The following DAPP1 variants were observed in gnomAD, a reference collection of about 807,000 sequenced individuals.
DAPP1 encodes the protein dual adaptor of phosphotyrosine and 3-phosphoinositides 1.
A neutral mutation model predicts 41.5 loss-of-function variants in DAPP1; 20 were observed. The observed-to-expected ratio is 0.48, with a 90% CI of 0.34 to 0.70. The LOEUF (loss-of-function observed/expected upper bound fraction) is 0.70. DAPP1 is among the 30% of genes least tolerant of loss of function. DAPP1 has a pLI of 0.01. For missense variants in DAPP1, 233 were observed against 333.4 expected (o/e 0.70, Z 2.35); for synonymous variants, 113 against 116.2 (o/e 0.97, Z 0.18).
Position 99,868,187 on chromosome 4 carries a change from T to A in DAPP1, c.*2T>A. The A allele has an allele frequency of 6.2e-7, 1 of 1,613,426 alleles. No homozygotes were observed. Among genetic ancestry groups the A allele is most frequent in the Non-Finnish European group, 8.5e-7 (1 of 1,179,434 alleles). On this transcript the variant is annotated 3_prime_UTR_variant, in exon 9 of 9. Coordinates refer to ENST00000512369, the MANE Select transcript of DAPP1 (RefSeq NM_014395.3). ...TCTCGGTCGTTCATCTTTAAATAGATCTTTCTTGCCAAGGAATGCTCTGGC... is the reference window on the plus strand; with the variant it reads ...TCTCGGTCGTTCATCTTTAAATAGAACTTTCTTGCCAAGGAATGCTCTGGC...
In DAPP1 at chr4:99,866,050, A is replaced by G. The variant is rs764393680; in HGVS notation, c.703A>G (p.Arg235Gly). ...TCCTATTAGTTTGGTATTTCCATTC[A>G]GGACATTTTATCTCTGTGCAAAGAC... ...VNCFCLVFPFRTFYLCAKTGV... is the reference protein window; with the variant it reads ...VNCFCLVFPFGTFYLCAKTGV... Residue 235 changes from arginine to glycine, a missense_variant, in exon 8 of 9, where the codon AGG becomes GGG. By Grantham distance (125) the Arg-to-Gly change is moderately radical. Coordinates refer to ENST00000512369, the MANE Select transcript of DAPP1 (RefSeq NM_014395.3). 1 of 1,562,386 alleles carries G rather than the reference A, an allele frequency of 6.4e-7. No homozygotes were observed. The highest frequency in any genetic ancestry group is 1.1e-5 in the South Asian group (1 of 87,632).
Position 99,863,777 on chromosome 4 carries a change from A to T in DAPP1, c.608A>T (p.Glu203Val), listed in dbSNP as rs1043952547. ...GCTTTTTATTTTATTTAGTCACCAG[A>T]ACCAATTCGGATCCTAGACCTAACA... ...LKYFKDQMSP[E>V]PIRILDLTEC... The change falls in exon 7 of 9, where the codon GAA (glutamate) becomes GTA (valine). Residue 203 changes from glutamate to valine, a missense_variant. Transcript: ENST00000512369. The T allele has an allele frequency of 6.3e-7, 1 of 1,583,998 alleles. No individual in the cohort carries two copies. Among genetic ancestry groups the T allele is most frequent in the African/African-American group, 1.4e-5 (1 of 73,570 alleles).
intron 1 of DAPP1, among the ~76,000 whole-genome samples, chr4:99,833,626 G>A (rs1314542911): frequency 1.3e-5 from 2 of 152,052 alleles, no homozygotes; most frequent in Non-Finnish European, 2.9e-5. Flanking sequence ...CTCTTTAATA[G>A]CATTTAGTTC....
intron 3 of DAPP1, among the ~76,000 whole-genome samples, chr4:99,840,818 A>G (rs1704219072): frequency 6.6e-6 from 1 of 152,226 alleles, no homozygotes; most frequent in South Asian, 2.1e-4. Flanking sequence ...AATATTGAAA[A>G]TATTAACTAG....
chr4:99,829,522 T>A (rs559931007), intron 1 of DAPP1, among the ~76,000 whole-genome samples: 1 of 152,154 alleles, frequency 6.6e-6, no homozygotes, highest in East Asian at 1.9e-4. Flanking sequence ...TTCTTACTAG[T>A]CACCTTGATG....
chr4:99,864,397 A>G (rs1724356840), intron 7 of DAPP1: 1 of 151,794 alleles, frequency 6.6e-6, no homozygotes, highest in East Asian at 1.9e-4. Flanking sequence ...ATCTTACCAT[A>G]TTTGCTTTAT....
intron 1 of DAPP1, among the ~76,000 whole-genome samples, chr4:99,828,148 T>C (rs1723003686): frequency 6.6e-6 from 1 of 152,226 alleles, no homozygotes; most frequent in Non-Finnish European, 1.5e-5. Context: ...TCAAACACTG[T>C]TGTTGTGCAT....
At chr4:99,870,782 C>G (rs1724612140), downstream of DAPP1, among the ~76,000 whole-genome samples, 1 of 152,160 alleles carries the variant, frequency 6.6e-6, no homozygotes. Flanking sequence ...CTGGGAAAAT[C>G]CTGGCCCACA....
intron 1 of DAPP1, among the ~76,000 whole-genome samples, chr4:99,820,629 T>A (rs1722739956): frequency 6.6e-6 from 1 of 152,188 alleles, no homozygotes; most frequent in Non-Finnish European, 1.5e-5. Flanking sequence ...GATAACTAAT[T>A]AGTCACATAT....
chr4:99,871,728 G>C (rs1402631246), downstream of DAPP1, among the ~76,000 whole-genome samples: 2 of 152,210 alleles, frequency 1.3e-5, no homozygotes, highest in African/African-American at 4.8e-5. Flanking sequence ...AGATAGGAAG[G>C]GTTGAGGTTG....
At chr4:99,846,228 T>A (rs1370735267) in intron 3 of DAPP1, among the ~76,000 whole-genome samples, 1 of 152,188 alleles carries the variant, frequency 6.6e-6, no homozygotes, top group African/African-American at 2.4e-5. Flanking sequence ...TTGCCCACAA[T>A]ACAGCACAGT....
rs552785991 is a variant in DAPP1, at chr4:99,833,669, C to T, written c.102-1954C>T. On this transcript the variant is annotated intron_variant, in intron 1 of 8. Transcript: ENST00000512369. ...TGACATTATTTGTATAATTGCCTGT[C>T]TCTCTTTCATCTTCACTGACCTAAA... Among the ~76,000 whole-genome samples, 3 of 152,348 alleles carry T rather than the reference C, an allele frequency of 2.0e-5. No individual in the cohort carries two copies. In the South Asian group the frequency reaches 6.2e-4, roughly 32 times the overall value.
intron 3 of DAPP1, among the ~76,000 whole-genome samples, chr4:99,850,996 G>A (rs944305008): frequency 5.9e-5 from 9 of 152,180 alleles, no homozygotes; most frequent in South Asian, 2.1e-4. Flanking sequence ...TCCTCTGCCT[G>A]TGCATCCAGT....
chr4:99,864,385 A>T (rs1206423050), intron 7 of DAPP1: 1 of 152,132 alleles, frequency 6.6e-6, no homozygotes, highest in African/African-American at 2.4e-5. Flanking sequence ...AGTTATTAAT[A>T]TATCTTACCA....
At chr4:99,863,166 C>G (rs1724301441) in intron 6 of DAPP1, 94 bp downstream of exon 6, 1 of 715,744 alleles carries the variant, frequency 1.4e-6, no homozygotes, top group Admixed American at 3.7e-5. Flanking sequence ...ATTTTTATAT[C>G]CACCTGAAAT....
At chr4:99,832,582 C>T (rs1160588081) in intron 1 of DAPP1, among the ~76,000 whole-genome samples, 2 of 152,200 alleles carry the variant, frequency 1.3e-5, no homozygotes, top group African/African-American at 2.4e-5. Flanking sequence ...TTGACTCAGG[C>T]AAAGCTGCCA....
At position 99,870,090 on chromosome 4, in the gene DAPP1, GTTTA is replaced by G. The variant is rs1031415360; in HGVS notation, c.*1911_*1914del. 16 of 151,992 alleles carry G rather than the reference GTTTA, an allele frequency of 1.1e-4. No homozygotes were observed. Among genetic ancestry groups the G allele is most frequent in the Admixed American group, 7.2e-4 (11 of 15,262 alleles). 9.4% of individuals were successfully genotyped at this position (151,992 alleles called of 1,614,324 possible). A position where few individuals can be genotyped will look rare whatever the true frequency, so the allele number is the denominator to read the frequency against. ...GTTTACCTTTTATAAAACATAACCT[GTTTA>G]TTTATATTCTTTGGCTTTGTTTATT... On this transcript the variant is annotated 3_prime_UTR_variant, in exon 9 of 9. Coordinates refer to ENST00000512369, the MANE Select transcript of DAPP1 (RefSeq NM_014395.3).
chr4:99,845,755 A>G (rs966793049), intron 3 of DAPP1, among the ~76,000 whole-genome samples: 3 of 152,246 alleles, frequency 2.0e-5, no homozygotes, highest in Admixed American at 1.3e-4. Context: ...AGGAAACTTT[A>G]AAACATAAAA....
rs540440848 is a variant in DAPP1 at position 99,825,100 on chromosome 4, T to C, written c.101+8086T>C. Among the ~76,000 whole-genome samples the C allele has an allele frequency of 5.3e-5, 8 of 152,340 alleles. No individual in the cohort carries two copies. In the South Asian group the frequency reaches 1.7e-3, roughly 32 times the overall value. ...TTTCATTGTTTTCTCTGCCCCTGTC[T>C]CCTGGATCACTCTTTGGGTCTGCAT... On this transcript the variant is annotated intron_variant, in intron 1 of 8. Coordinates refer to ENST00000512369, the MANE Select transcript of DAPP1 (RefSeq NM_014395.3).
Sources: allele counts gnomAD v4.1 joint callset (sites outside exome capture counted in the v4.1 genomes callset), GRCh38; gene constraint gnomAD v4.1.1; transcripts MANE v1.5; gene names NCBI Gene and HGNC (gene_info 2026-07-23, HGNC 2026-07-21).